The following DGKI variants were observed in gnomAD, a reference collection of about 807,000 sequenced individuals.
DGKI encodes the protein DAG kinase iota.
In DGKI, 55 loss-of-function variants were observed where a neutral mutation model predicts 147.5. The ratio of observed to expected loss-of-function variants is 0.37; its 90% CI spans 0.30 to 0.47. The LOEUF (loss-of-function observed/expected upper bound fraction) is 0.47, where lower values mean the gene tolerates loss of function less well. DGKI is among the 20% of genes least tolerant of loss of function. The pLI, the probability that DGKI is intolerant of heterozygous loss-of-function variation, is 1.00. For synonymous variants in DGKI, 469 were observed against 477.1 expected, an observed-to-expected ratio of 0.98 and a Z score of 0.22; for missense variants, 1,007 against 1,323.8, an observed-to-expected ratio of 0.76 and a Z score of 3.71.
At chr7:137,720,249 T>A (rs1405378941) in intron 1 of DGKI, among the ~76,000 whole-genome samples, 1 of 92,998 alleles carries the variant, frequency 1.1e-5, no homozygotes, top group Non-Finnish European at 2.1e-5. Flanking sequence ...CTTGAAAAAA[T>A]CTTTTTTTTT....
intron 1 of DGKI, among the ~76,000 whole-genome samples, chr7:137,765,240 T>G (rs1224974601): frequency 6.6e-6 from 1 of 152,210 alleles, no homozygotes; most frequent in Non-Finnish European, 1.5e-5. Flanking sequence ...TTCAGTGTCT[T>G]TCTCTACCAG....
chr7:137,717,257 A>AT (rs1794406080), intron 1 of DGKI, among the ~76,000 whole-genome samples: 1 of 152,170 alleles, frequency 6.6e-6, no homozygotes, highest in African/African-American at 2.4e-5. Flanking sequence ...AGGGCCCATT[A>AT]TTTAGTCGTG....
intron 13 of DGKI, 96 bp from the exon 14 acceptor site, chr7:137,585,442 T>G: frequency 6.9e-7 from 1 of 1,445,588 alleles, no homozygotes; most frequent in Non-Finnish European, 9.3e-7. Flanking sequence ...GTTATATTGT[T>G]TATTTTATAA....
chr7:137,448,110 T>C (rs1813784297), intron 27 of DGKI, among the ~76,000 whole-genome samples: 1 of 152,078 alleles, frequency 6.6e-6, no homozygotes, highest in African/African-American at 2.4e-5. Context: ...ATATAAACTA[T>C]TTCATACACA....
At chr7:137,681,356 G>A (rs1055577135) in intron 2 of DGKI, among the ~76,000 whole-genome samples, 1 of 152,154 alleles carries the variant, frequency 6.6e-6, no homozygotes, top group Admixed American at 6.5e-5. Flanking sequence ...ATAGCTATGG[G>A]TTCAGACCCT....
intron 19 of DGKI, among the ~76,000 whole-genome samples, chr7:137,558,694 G>A (rs112675109): frequency 1.7e-5 from 2 of 117,206 alleles, no homozygotes; most frequent in Admixed American, 8.8e-5. Flanking sequence ...AAAATAATTC[G>A]ATAAATTCAG....
intron 5 of DGKI, among the ~76,000 whole-genome samples, chr7:137,650,256 G>GT (rs943883864): frequency 3.3e-5 from 5 of 152,140 alleles, no homozygotes; most frequent in African/African-American, 1.2e-4. Flanking sequence ...CATACTCTGT[G>GT]TTTTGGTGCA....
At chr7:137,586,107 T>C (rs834095) in intron 13 of DGKI, among the ~76,000 whole-genome samples, 11,799 of 152,162 alleles carry the variant, frequency 0.078, 1,176 homozygotes, top group African/African-American at 0.24. Flanking sequence ...GCCCAGCCCA[T>C]GTAATGCTCT....
intron 3 of DGKI, among the ~76,000 whole-genome samples, chr7:137,658,215 A>T (rs1822293055): frequency 6.6e-6 from 1 of 152,222 alleles, no homozygotes; most frequent in Admixed American, 6.5e-5. Context: ...AACATACAGT[A>T]GTAATCGTAG....
intron 6 of DGKI, among the ~76,000 whole-genome samples, chr7:137,632,229 A>G (rs1176634534): frequency 6.6e-6 from 1 of 152,224 alleles, no homozygotes; most frequent in Non-Finnish European, 1.5e-5. Flanking sequence ...GACATCAAGA[A>G]TGGATGATCA....
At chr7:137,809,284 T>C (rs1159506745) in intron 1 of DGKI, among the ~76,000 whole-genome samples, 1 of 152,134 alleles carries the variant, frequency 6.6e-6, no homozygotes, top group African/African-American at 2.4e-5. Context: ...ATAATAAAGA[T>C]AATAATAGCT....
rs964366114 is a variant in DGKI, at chr7:137,559,221, G to A, written c.1948-6653C>T. Among the ~76,000 whole-genome samples the A allele has an allele frequency of 1.2e-3, 186 of 149,932 alleles. 1 individual carries two copies. The highest frequency in any genetic ancestry group is 2.5e-3 in the Admixed American group (37 of 15,078). On this transcript the variant is annotated intron_variant, in intron 19 of 32. Transcript: ENST00000614521. ...CAAGTAGCTGGGACTACAGGCGCCCGCCACTACGCCCGGCTAATTTTTTGT... is the reference window on the plus strand; with the variant it reads ...CAAGTAGCTGGGACTACAGGCGCCCACCACTACGCCCGGCTAATTTTTTGT...
chr7:137,609,111 A>C (rs1428186130), intron 9 of DGKI, 47 bp from the exon 10 acceptor site: 1 of 1,507,752 alleles, frequency 6.6e-7, no homozygotes, highest in Admixed American at 1.7e-5. Context: ...CATGGCTTGA[A>C]AGGCAACCCC....
chr7:137,842,325 A>C (rs564491607), intron 1 of DGKI, among the ~76,000 whole-genome samples: 11 of 152,336 alleles, frequency 7.2e-5, no homozygotes, highest in Admixed American at 1.3e-4. Context: ...GGGACAAAAC[A>C]CACGCAAAAA....
intron 2 of DGKI, among the ~76,000 whole-genome samples, chr7:137,688,934 C>A (rs553241071): frequency 6.6e-5 from 10 of 152,100 alleles, no homozygotes; most frequent in Non-Finnish European, 1.5e-4. Context: ...TTTTGCCAGG[C>A]ACTTCATAAA....
At chr7:137,679,990 C>CAAAAAAA (rs768437551) in intron 2 of DGKI, among the ~76,000 whole-genome samples, 1 of 54,068 alleles carries the variant, frequency 1.8e-5, no homozygotes, top group African/African-American at 6.2e-5. Flanking sequence ...GACTCCATCT[C>CAAAAAAA]AAAAAAAAAA....
rs533529676 is a variant in DGKI at position 137,772,978 on chromosome 7, A to G, written c.401+73484T>C. Among the ~76,000 whole-genome samples the G allele has an allele frequency of 7.9e-5, 12 of 152,326 alleles. No homozygotes were observed. The South Asian group carries it at 2.5e-3, about 32-fold the overall frequency. On this transcript the variant is annotated intron_variant, in intron 1 of 32. Coordinates refer to ENST00000614521, the MANE Select transcript of DGKI (RefSeq NM_001321708.2). ...TCACAATGGAATAAGCTGCTGCTCT[A>G]TGAGTTACTCTTGCAGGATGGGGGT...
chr7:137,704,400 A>C (rs886461101), intron 1 of DGKI, among the ~76,000 whole-genome samples: 2 of 152,146 alleles, frequency 1.3e-5, no homozygotes, highest in Non-Finnish European at 2.9e-5. Flanking sequence ...GCTGGACAGC[A>C]GATTGAAGCT....
At position 137,424,956 on chromosome 7, in the gene DGKI, T is replaced by G. The variant is rs550347983; in HGVS notation, c.2762-12749A>C. Among the ~76,000 whole-genome samples, 658 of 152,320 alleles carry G rather than the reference T, an allele frequency of 4.3e-3. 4 individuals carry two copies. The highest frequency in any genetic ancestry group is 5.9e-3 in the Non-Finnish European group (403 of 68,022). ...TGCCTCTGTAGGCTCCACCTCTGGG[T>G]GCAGGGCACAGACAAACAAAAAGAC... is the stretch of plus-strand genomic sequence containing the variant. On this transcript the variant is annotated intron_variant, in intron 28 of 32. Coordinates refer to ENST00000614521, the MANE Select transcript of DGKI (RefSeq NM_001321708.2).
Sources: allele counts gnomAD v4.1 joint callset (sites outside exome capture counted in the v4.1 genomes callset), GRCh38; gene constraint gnomAD v4.1.1; transcripts MANE v1.5; gene names NCBI Gene and HGNC (gene_info 2026-07-23, HGNC 2026-07-21).